The following BRD7 variants were observed in gnomAD, a reference collection of about 807,000 sequenced individuals.
BRD7 encodes the protein bromodomain containing 7.
Under a neutral mutation model 82.1 loss-of-function variants are expected in BRD7, and 15 were observed. The ratio of observed to expected loss-of-function variants is 0.18; its 90% confidence interval spans 0.12 to 0.28. The LOEUF (loss-of-function observed/expected upper bound fraction) is 0.28, where lower values mean the gene tolerates loss of function less well. BRD7 is among the 10% of genes least tolerant of loss of function. BRD7 has a pLI of 1.00. For missense variants in BRD7, 638 were observed against 779.9 expected (o/e 0.82, Z 2.17); for synonymous variants, 232 against 266.9 (o/e 0.87, Z 1.27).
chr16:50,325,071 T>C (rs2037281599), intron 11 of BRD7, among the ~76,000 whole-genome samples: 1 of 152,188 alleles, frequency 6.6e-6, no homozygotes, highest in Non-Finnish European at 1.5e-5. Flanking sequence ...TAATGAAAAT[T>C]AGCAAGGTAC....
intron 2 of BRD7, among the ~76,000 whole-genome samples, chr16:50,361,031 C>T (rs2038916486): frequency 6.6e-6 from 1 of 152,190 alleles, no homozygotes; most frequent in Non-Finnish European, 1.5e-5. Context: ...TTAGTCACTG[C>T]TCCTCTCTAG....
intron 2 of BRD7, among the ~76,000 whole-genome samples, chr16:50,355,919 C>T (rs1363822114): frequency 6.6e-6 from 1 of 152,026 alleles, no homozygotes; most frequent in Admixed American, 6.5e-5. Context: ...GTACTTGAAA[C>T]ACAACTTATA....
At chr16:50,352,996 T>C (rs2151192930) in intron 4 of BRD7, among the ~76,000 whole-genome samples, 1 of 152,058 alleles carries the variant, frequency 6.6e-6, no homozygotes, top group South Asian at 2.1e-4. Flanking sequence ...AGTGAAGTAA[T>C]GAACAAGTTA....
At chr16:50,368,407 T>C in intron 1 of BRD7, 109 bp from the exon 2 acceptor site, 1 of 1,214,452 alleles carries the variant, frequency 8.2e-7, no homozygotes, top group Non-Finnish European at 1.1e-6. Context: ...GAGGCGGCTT[T>C]GGGCGCTCCG....
At chr16:50,346,603 G>A (rs2038293819) in intron 5 of BRD7, among the ~76,000 whole-genome samples, 1 of 152,196 alleles carries the variant, frequency 6.6e-6, no homozygotes. Context: ...TGATCCCACA[G>A]AAATAGAAAC....
chr16:50,325,777 C>G lies in BRD7; in HGVS notation c.1302G>C (p.Gly434=). The G allele has an allele frequency of 6.2e-7, 1 of 1,605,200 alleles. No homozygotes were observed. Among genetic ancestry groups the G allele is most frequent in the East Asian group, 2.2e-5 (1 of 44,688 alleles). Reference sequence around the variant, plus strand: ...AATCACTTGGAAGATCAGAGTCTTCCCCATAGGTTGAATAGATTAAATCAG... The same window carrying G: ...AATCACTTGGAAGATCAGAGTCTTCGCCATAGGTTGAATAGATTAAATCAG... ...DDSDLIYSTY[G]EDSDLPSDFS... The change falls in exon 11 of 17, where the codon GGG becomes GGC. Residue 434 remains glycine, a synonymous_variant. Transcript: ENST00000394688.
intron 5 of BRD7, among the ~76,000 whole-genome samples, chr16:50,341,928 T>TCACACACACACACACACA (rs375793137): frequency 2.8e-5 from 4 of 143,658 alleles, no homozygotes; most frequent in East Asian, 2.1e-4. Context: ...TGCACACTTT[T>TCACACACACACACACACA]CACACACACA....
intron 10 of BRD7, 30 bp downstream of exon 10, chr16:50,326,254 G>GA: frequency 6.3e-7 from 1 of 1,576,428 alleles, no homozygotes. Context: ...ACAGAGAAGA[G>GA]AAAAAATGAC....
chr16:50,355,965 C>A (rs952131169), intron 2 of BRD7, among the ~76,000 whole-genome samples: 1 of 152,052 alleles, frequency 6.6e-6, no homozygotes, highest in African/African-American at 2.4e-5. Flanking sequence ...ATCTATAAAT[C>A]TATGCAAAAA....
In BRD7 at chr16:50,333,787, A is replaced by C. The variant is rs570875984; in HGVS notation, c.888-90T>G. 3.0e-4 allele frequency: 336 copies of C among 1,118,380 alleles called. 1 individual carries two copies. Among genetic ancestry groups the C allele is most frequent in the Middle Eastern group, 1.2e-3 (4 of 3,456 alleles). 69.3% of individuals were successfully genotyped at this position (1,118,380 alleles called of 1,614,324 possible). On this transcript the variant is annotated intron_variant, in intron 7 of 16. Transcript: ENST00000394688. Reference sequence around the variant, plus strand: ...TGAATTCTAAATATGAATACAACTAAAGTGGAGACATTTGTACTACAGTCA... The same window carrying C: ...TGAATTCTAAATATGAATACAACTACAGTGGAGACATTTGTACTACAGTCA...
intron 12 of BRD7, 112 bp downstream of exon 12, chr16:50,323,475 G>T (rs2037204460): frequency 4.4e-6 from 4 of 905,840 alleles, no homozygotes; most frequent in Non-Finnish European, 6.9e-6. Flanking sequence ...TGTCTTTCAG[G>T]GCCACAGAGT....
At chr16:50,332,913 A>G (rs1325846947) in intron 8 of BRD7, among the ~76,000 whole-genome samples, 3 of 152,226 alleles carry the variant, frequency 2.0e-5, no homozygotes, top group African/African-American at 7.2e-5. Flanking sequence ...GTTCTCACTT[A>G]AAAGTAGGAG....
At chr16:50,363,660 T>TGTGG (rs138025982) in intron 2 of BRD7, among the ~76,000 whole-genome samples, 2 of 102,402 alleles carry the variant, frequency 2.0e-5, no homozygotes, top group African/African-American at 5.4e-5. Flanking sequence ...TGTGTGTGTG[T>TGTGG]GCGCGCGCGC....
intron 2 of BRD7, among the ~76,000 whole-genome samples, chr16:50,365,324 T>C (rs2039098444): frequency 6.6e-6 from 1 of 152,208 alleles, no homozygotes; most frequent in East Asian, 1.9e-4. Context: ...AGAGAAAACA[T>C]CTGTAAGGTA....
At chr16:50,353,087 T>C (rs969835407) in intron 4 of BRD7, among the ~76,000 whole-genome samples, 2 of 142,138 alleles carry the variant, frequency 1.4e-5, no homozygotes, top group Admixed American at 1.4e-4. Context: ...TTTTTTTTTT[T>C]AGAAAAGATC....
intron 6 of BRD7, 102 bp from the exon 7 acceptor site, chr16:50,334,997 A>G: frequency 1.7e-6 from 2 of 1,165,202 alleles, no homozygotes; most frequent in Non-Finnish European, 1.2e-6. Flanking sequence ...GTCATTAACC[A>G]GGGAAGAAAA....
chr16:50,333,656 T>C lies in BRD7; in HGVS notation c.929A>G (p.Asn310Ser), dbSNP rs2037666756. ...AAGCTGCTCCTGCTCTCTCTCTAAATTATTGCTTTTAAACTTATCTTCAAG... is the reference window on the plus strand; with the variant it reads ...AAGCTGCTCCTGCTCTCTCTCTAAACTATTGCTTTTAAACTTATCTTCAAG... ...DMLEDKFKSN[N>S]LEREQEQLDR... The change falls in exon 8 of 17, where the codon AAT becomes AGT. Residue 310 changes from asparagine to serine, a missense_variant. Asn to Ser is a conservative substitution (Grantham distance 46). This residue lies in a region of BRD7 where 402 missense variants were observed against 500.8 expected (regional missense o/e 0.80). Transcript: ENST00000394688. The C allele has an allele frequency of 1.9e-6, 3 of 1,607,858 alleles. No homozygotes were observed. The African/African-American group carries it at 4.0e-5, about 22-fold the overall frequency.
At chr16:50,337,025 T>C (rs189332463) in intron 6 of BRD7, among the ~76,000 whole-genome samples, 1 of 152,168 alleles carries the variant, frequency 6.6e-6, no homozygotes, top group Admixed American at 6.5e-5. Context: ...AGGTAAGTAC[T>C]ACTATTATCC....
At chr16:50,329,254 C>G (rs1171156170) in intron 8 of BRD7, among the ~76,000 whole-genome samples, 3 of 152,102 alleles carry the variant, frequency 2.0e-5, no homozygotes, top group Non-Finnish European at 4.4e-5. Flanking sequence ...ATTCTAAGAG[C>G]TCTGTGGGTC....
Sources: gnomAD v4.1 joint callset for allele counts (sites outside exome capture counted in the v4.1 genomes callset) on GRCh38, gnomAD v4.1.1 for gene constraint, gnomAD v4.1.1 regional missense constraint, MANE v1.5 for transcripts, NCBI Gene and HGNC (gene_info 2026-07-23, HGNC 2026-07-21) for gene names.